Variants in GRID2 observed in about 807,000 individuals in gnomAD.
GRID2 encodes the protein glutamate ionotropic receptor delta type subunit 2.
Under a neutral mutation model 114.8 loss-of-function variants are expected in GRID2, and 33 were observed. The observed-to-expected ratio is 0.29, with a 90% CI of 0.22 to 0.38. GRID2 has a LOEUF of 0.38. Among genes scored for constraint, GRID2 ranks in the 10% least tolerant of loss-of-function variants. The pLI, the probability that GRID2 is intolerant of heterozygous loss-of-function variation, is 1.00. For missense variants in GRID2, 1,184 were observed against 1,257.7 expected (o/e 0.94, Z 0.89); for synonymous variants, 505 against 449.9 (o/e 1.12, Z -1.55).
intron 10 of GRID2, among the ~76,000 whole-genome samples, chr4:93,447,437 G>A: frequency 6.6e-6 from 1 of 151,914 alleles, no homozygotes. Flanking sequence ...GGCATGTCTG[G>A]TTTTGGAAAA....
At chr4:93,720,356 TC>T (rs1371298415) in intron 14 of GRID2, among the ~76,000 whole-genome samples, 2 of 152,140 alleles carry the variant, frequency 1.3e-5, no homozygotes, top group African/African-American at 4.8e-5. Context: ...ATTAATCTCT[TC>T]CCCTACCAAA....
chr4:92,884,333 C>G (rs1746221506), intron 2 of GRID2, among the ~76,000 whole-genome samples: 1 of 152,102 alleles, frequency 6.6e-6, no homozygotes, highest in Non-Finnish European at 1.5e-5. Context: ...GTTTGATCTT[C>G]TATCCAGATC....
At chr4:92,521,848 T>C (rs1724798516) in intron 1 of GRID2, among the ~76,000 whole-genome samples, 1 of 151,966 alleles carries the variant, frequency 6.6e-6, no homozygotes, top group Admixed American at 6.6e-5. Flanking sequence ...CAGAGGCATA[T>C]AATAGATGGT....
At chr4:93,725,908 A>G (rs570983834) in intron 14 of GRID2, among the ~76,000 whole-genome samples, 10 of 152,230 alleles carry the variant, frequency 6.6e-5, no homozygotes, top group South Asian at 2.1e-4. Flanking sequence ...ATTAGGTTGC[A>G]AAAATTTTCT....
chr4:93,654,282 C>T (rs1398130037), intron 14 of GRID2, among the ~76,000 whole-genome samples: 1 of 152,146 alleles, frequency 6.6e-6, no homozygotes, highest in Non-Finnish European at 1.5e-5. Flanking sequence ...AATGATAAAA[C>T]TCTGGCCCCT....
chr4:92,746,596 A>C (rs1737159651), intron 2 of GRID2, among the ~76,000 whole-genome samples: 1 of 152,104 alleles, frequency 6.6e-6, no homozygotes, highest in Non-Finnish European at 1.5e-5. Context: ...GGGATAGTTT[A>C]TCTCTGTTTA....
At chr4:93,584,390 A>G (rs1737327789) in intron 13 of GRID2, among the ~76,000 whole-genome samples, 1 of 152,146 alleles carries the variant, frequency 6.6e-6, no homozygotes, top group Non-Finnish European at 1.5e-5. Context: ...CAGTAAATAC[A>G]TTAACAATTC....
intron 2 of GRID2, among the ~76,000 whole-genome samples, chr4:92,960,996 G>T (rs905593401): frequency 8.6e-5 from 13 of 151,752 alleles, no homozygotes; most frequent in African/African-American, 2.7e-4. Context: ...CCACCTTCAA[G>T]TAACACTATG....
chr4:92,656,623 A>G (rs1261458434), intron 2 of GRID2, among the ~76,000 whole-genome samples: 1 of 151,790 alleles, frequency 6.6e-6, no homozygotes, highest in East Asian at 1.9e-4. Flanking sequence ...AATCATAGAA[A>G]GTAGTTCTAA....
Position 93,428,826 on chromosome 4 carries a change from C to T in GRID2, c.1545+5858C>T, listed in dbSNP as rs545941755. Among the ~76,000 whole-genome samples the T allele has an allele frequency of 3.9e-5, 6 of 152,194 alleles. No homozygotes were observed. The South Asian group carries it at 8.3e-4, about 21-fold the overall frequency. On this transcript the variant is annotated intron_variant, in intron 10 of 15. Transcript: ENST00000282020. ...CACAATATACATATGTCAGTGCCGACGCCCACTCAGGAAAATGAAAACCAT... is the reference window on the plus strand; with the variant it reads ...CACAATATACATATGTCAGTGCCGATGCCCACTCAGGAAAATGAAAACCAT...
chr4:93,456,551 T>C (rs563021816), intron 11 of GRID2, among the ~76,000 whole-genome samples: 231 of 152,338 alleles, frequency 1.5e-3, no homozygotes, highest in African/African-American at 5.2e-3. Context: ...TGTTATTTAA[T>C]ATCCAATCTG....
At chr4:92,413,051 T>C (rs1410053918) in intron 1 of GRID2, among the ~76,000 whole-genome samples, 1 of 152,228 alleles carries the variant, frequency 6.6e-6, no homozygotes, top group Non-Finnish European at 1.5e-5. Context: ...GTTTCCTTTT[T>C]AGTATTTGTA....
At chr4:92,989,560 G>A (rs1263258228) in intron 2 of GRID2, among the ~76,000 whole-genome samples, 2 of 151,948 alleles carry the variant, frequency 1.3e-5, no homozygotes, top group Admixed American at 1.3e-4. Context: ...AGCTGTATAA[G>A]TGAATGTATA....
intron 2 of GRID2, among the ~76,000 whole-genome samples, chr4:93,026,856 C>T (rs1173840166): frequency 6.6e-6 from 1 of 151,836 alleles, no homozygotes; most frequent in Non-Finnish European, 1.5e-5. Context: ...TACATTTTAA[C>T]CTGCTTACTT....
At chr4:92,447,848 A>C (rs1184060739) in intron 1 of GRID2, among the ~76,000 whole-genome samples, 1 of 152,184 alleles carries the variant, frequency 6.6e-6, no homozygotes, top group Non-Finnish European at 1.5e-5. Flanking sequence ...AACCTTCCAA[A>C]GGCCCCACCT....
At chr4:93,720,601 A>G (rs1460610331) in intron 14 of GRID2, among the ~76,000 whole-genome samples, 2 of 152,212 alleles carry the variant, frequency 1.3e-5, no homozygotes, top group Non-Finnish European at 2.9e-5. Context: ...TATGCTTCAC[A>G]AACTGATATC....
At chr4:93,541,089 G>A (rs1308514286) in intron 13 of GRID2, among the ~76,000 whole-genome samples, 1 of 152,104 alleles carries the variant, frequency 6.6e-6, no homozygotes, top group African/African-American at 2.4e-5. Flanking sequence ...CTAACTCGAG[G>A]AAATGTCGTT....
At chr4:93,304,940 A>G (rs1755263879) in intron 8 of GRID2, among the ~76,000 whole-genome samples, 1 of 152,206 alleles carries the variant, frequency 6.6e-6, no homozygotes, top group Non-Finnish European at 1.5e-5. Flanking sequence ...GAACAATGAC[A>G]TCCAAGAAAT....
chr4:93,171,261 G>A (rs1208406863), intron 4 of GRID2, among the ~76,000 whole-genome samples: 1 of 152,042 alleles, frequency 6.6e-6, no homozygotes, highest in Non-Finnish European at 1.5e-5. Context: ...CATGTGCCAG[G>A]TACATTCTCA....
Sources: allele counts gnomAD v4.1 joint callset (sites outside exome capture counted in the v4.1 genomes callset), GRCh38; gene constraint gnomAD v4.1.1; transcripts MANE v1.5; gene names NCBI Gene and HGNC (gene_info 2026-07-23, HGNC 2026-07-21).